Variants in TBC1D16 observed in about 807,000 individuals in gnomAD.
TBC1D16 encodes the protein CTD-2529O21.1.
TBC1D16 carries 58 observed loss-of-function variants against 74.7 expected under a neutral mutation model. The observed-to-expected ratio is 0.78, with a 90% CI of 0.63 to 0.97. TBC1D16 has a LOEUF of 0.97. TBC1D16 is among the 50% of genes least tolerant of loss of function. The pLI is 0.00. For synonymous variants in TBC1D16, 493 were observed against 474.7 expected (o/e 1.04, Z -0.50); for missense variants, 1,014 against 1,079.5 (o/e 0.94, Z 0.85).
chr17:80,024,544 T>TAG (rs1275487345), intron 1 of TBC1D16, among the ~76,000 whole-genome samples: 2 of 118,534 alleles, frequency 1.7e-5, no homozygotes, highest in South Asian at 2.7e-4. Flanking sequence ...CCACACACCA[T>TAG]ATACACACAC....
Position 80,010,597 on chromosome 17 carries a change from C to A in TBC1D16, c.342G>T (p.Arg114=), listed in dbSNP as rs779636850. 167 of 1,589,152 alleles carry A rather than the reference C, an allele frequency of 1.1e-4. No homozygotes were observed. In the East Asian group the frequency reaches 3.7e-3, roughly 36 times the overall value. The change falls in exon 3 of 12, where the codon CGG becomes CGT. Residue 114 remains arginine, a synonymous_variant. Coordinates refer to ENST00000310924, the MANE Select transcript of TBC1D16 (RefSeq NM_019020.4). The surrounding 1 kb of genome is among the most constrained non-coding windows in gnomAD (Gnocchi z 8.8). ...PVRKAPRPRG[R]RTRSSGASHQ... is the part of the protein sequence containing the mutation. The stretch of plus-strand genomic sequence containing the variant: ...GGGAGGCTCCTGAGCTCCGGGTGCG[C>A]CGGCCCCGAGGGCGGGGTGCCTTGC...
rs940501212 is a variant in TBC1D16 at position 80,035,379 on chromosome 17, A to C, written c.-63+416T>G. On this transcript the variant is annotated intron_variant, in intron 1 of 11. Transcript: ENST00000310924. The surrounding 1 kb of genome is among the most constrained non-coding windows in gnomAD (Gnocchi z 5.3). ...AGCGCGCGCTGCTGGGGGGACGCAC[A>C]CTTTGGAGGCTGTGTGGGCGCGCGC... Among the ~76,000 whole-genome samples, 21 of 151,838 alleles carry C rather than the reference A, an allele frequency of 1.4e-4. No homozygotes were observed. The highest frequency in any genetic ancestry group is 3.9e-4 in the African/African-American group (16 of 41,344).
Position 79,944,952 on chromosome 17 carries a change from C to T in TBC1D16, c.1864G>A (p.Ala622Thr). 1 of 1,555,346 alleles carries T rather than the reference C, an allele frequency of 6.4e-7. No individual in the cohort carries two copies. The highest frequency in any genetic ancestry group is 8.7e-7 in the Non-Finnish European group (1 of 1,149,302). Residue 622 changes from alanine (A) to threonine (T), a missense_variant, in exon 10 of 12, where the codon GCC becomes ACC. Ala to Thr is a moderately conservative substitution (Grantham distance 58, BLOSUM62 0). Coordinates refer to ENST00000310924, the MANE Select transcript of TBC1D16 (RefSeq NM_019020.4). The surrounding 1 kb of genome is among the most constrained non-coding windows in gnomAD (Gnocchi z 7.7). ...LLCFKREFPE[A>T]EALRIWEACW... ...GCCTCCCAGATCCGCAGCGCTTCGG[C>T]CTCGGGGAACTCCCGCTTGAAGCAC...
intron 3 of TBC1D16, among the ~76,000 whole-genome samples, chr17:79,998,514 A>ATTTTT (rs376951265): frequency 7.6e-6 from 1 of 131,848 alleles, no homozygotes; most frequent in Non-Finnish European, 1.6e-5. Context: ...TATTATTATA[A>ATTTTT]TTTTTTTTTT....
chr17:80,017,180 G>A (rs1281146401), intron 1 of TBC1D16, among the ~76,000 whole-genome samples: 27 of 152,250 alleles, frequency 1.8e-4, no homozygotes, highest in Non-Finnish European at 2.1e-4. Context: ...CAAAAGGCCA[G>A]AGAGTAAATG....
intron 1 of TBC1D16, among the ~76,000 whole-genome samples, chr17:80,015,738 C>T (rs948634786): frequency 5.9e-5 from 9 of 151,944 alleles, no homozygotes; most frequent in Non-Finnish European, 1.0e-4. Flanking sequence ...TGACTGGGAG[C>T]GGTGGCTCAC....
intron 3 of TBC1D16, among the ~76,000 whole-genome samples, chr17:79,957,501 A>G (rs1483926595): frequency 6.6e-6 from 1 of 152,202 alleles, no homozygotes; most frequent in Non-Finnish European, 1.5e-5. Context: ...GGAAAAGGCA[A>G]AACCATGGAG....
rs996463878 is a variant in TBC1D16, at chr17:79,954,745, G to A, written c.780-1927C>T. ...CTGTGACTGTGAGAGCTGCTGCCCC[G>A]TGTGCTGCCTGCTGGCCCGGCCCAC... On this transcript the variant is annotated intron_variant, in intron 3 of 11. Transcript: ENST00000310924. The surrounding 1 kb of genome is among the most constrained non-coding windows in gnomAD (Gnocchi z 5.5). 5.9e-5 allele frequency among the ~76,000 whole-genome samples: 9 copies of A among 152,120 alleles called. No homozygotes were observed. The highest frequency in any genetic ancestry group is 1.4e-4 in the African/African-American group (6 of 41,422).
In TBC1D16 at chr17:79,993,590, C is replaced by G. The variant is rs2035156598; in HGVS notation, c.779+16570G>C. On this transcript the variant is annotated intron_variant, in intron 3 of 11. Coordinates refer to ENST00000310924, the MANE Select transcript of TBC1D16 (RefSeq NM_019020.4). The surrounding 1 kb of genome is among the most constrained non-coding windows in gnomAD (Gnocchi z 5.1). ...CGCAAGACAAAAGGTCCTTTGCCCC[C>G]ACTACCTGCAACTTTCAGGGAAGAT... is the stretch of plus-strand genomic sequence containing the variant. 1 of 152,420 alleles carries G rather than the reference C, an allele frequency of 6.6e-6. No individual in the cohort carries two copies. The highest frequency in any genetic ancestry group is 1.9e-4 in the East Asian group (1 of 5,194). 9.4% of individuals were successfully genotyped at this position (152,420 alleles called of 1,614,324 possible).
intron 9 of TBC1D16, among the ~76,000 whole-genome samples, chr17:79,945,478 C>A (rs1288384263): frequency 1.3e-5 from 2 of 152,178 alleles, no homozygotes; most frequent in African/African-American, 4.8e-5. Flanking sequence ...GGGAGCCCCC[C>A]CACCCCTCTT....
intron 3 of TBC1D16, among the ~76,000 whole-genome samples, chr17:79,974,264 G>A (rs1290397): frequency 0.51 from 77,653 of 151,902 alleles, 19,938 homozygotes; most frequent in Middle Eastern, 0.59. Context: ...TTTTGAGACG[G>A]AGTCTCATCT....
Position 79,975,853 on chromosome 17 carries a change from G to A in TBC1D16, c.780-23035C>T, listed in dbSNP as rs1568603697. Among the ~76,000 whole-genome samples the A allele has an allele frequency of 6.6e-6, 1 of 152,140 alleles. No homozygotes were observed. The highest frequency in any genetic ancestry group is 1.5e-5 in the Non-Finnish European group (1 of 68,026). On this transcript the variant is annotated intron_variant, in intron 3 of 11. Transcript: ENST00000310924. The surrounding 1 kb of genome is among the most constrained non-coding windows in gnomAD (Gnocchi z 4.5). Reference sequence around the variant, plus strand: ...GAATGACGGGGTCTGTGCAGAGACCGGGCAGAGCTCTGGGCTTCAGGATGG... The same window carrying A: ...GAATGACGGGGTCTGTGCAGAGACCAGGCAGAGCTCTGGGCTTCAGGATGG...
intron 9 of TBC1D16, 37 bp from the exon 10 acceptor site, chr17:79,945,124 T>A (rs1472088384): frequency 7.9e-6 from 12 of 1,528,584 alleles, no homozygotes; most frequent in Non-Finnish European, 1.1e-5. Flanking sequence ...TTAGCTCCGG[T>A]CCCATGCGGC....
chr17:80,026,840 A>C (rs1305280678), intron 1 of TBC1D16, among the ~76,000 whole-genome samples: 3 of 149,580 alleles, frequency 2.0e-5, no homozygotes, highest in African/African-American at 7.7e-5. Flanking sequence ...GGATGTCAGG[A>C]AGGCTGCCCC....
intron 1 of TBC1D16, among the ~76,000 whole-genome samples, chr17:80,027,041 G>C (rs139433498): frequency 7.2e-6 from 1 of 138,194 alleles, no homozygotes; most frequent in Non-Finnish European, 1.5e-5. Flanking sequence ...CAGACACCAG[G>C]CTTTTCCAAT....
Position 79,949,712 on chromosome 17 carries a change from G to A in TBC1D16, c.1406+5C>T, listed in dbSNP as rs184718046. ...GGGGTGGGCCGGGCTGGCCCCGGCG[G>A]TTACCTTTTCTGCTGGATCTCAGAG... On this transcript the variant is annotated splice_donor_5th_base_variant and intron_variant, in intron 7 of 11. Transcript: ENST00000310924. 2,152 of 1,605,260 alleles carry A rather than the reference G, an allele frequency of 1.3e-3. 19 individuals are homozygous for A. In the African/African-American group the frequency reaches 0.023, roughly 17 times the overall value.
rs1479494923 is a variant in TBC1D16, at chr17:79,971,114, T to C, written c.780-18296A>G. ...CTCGGCTCACTGCAACCTCCACCTC[T>C]CGGGTTCAAGGCATTCTCCTGCCTC... On this transcript the variant is annotated intron_variant, in intron 3 of 11. Transcript: ENST00000310924. This position sits in a 1 kb window ranked among gnomAD's most constrained non-coding sequence, Gnocchi z 4.6. 4.6e-5 allele frequency among the ~76,000 whole-genome samples: 7 copies of C among 151,880 alleles called. No individual in the cohort carries two copies. Among genetic ancestry groups the C allele is most frequent in the Non-Finnish European group, 8.8e-5 (6 of 67,978 alleles).
rs141710660 is a variant in TBC1D16, at chr17:79,936,909, C to CGCGTGTGTGTGT, written c.*3949_*3950insACACACACACGC. 39 of 122,304 alleles carry CGCGTGTGTGTGT rather than the reference C, an allele frequency of 3.2e-4. No homozygotes were observed. Among genetic ancestry groups the CGCGTGTGTGTGT allele is most frequent in the African/African-American group, 9.9e-4 (37 of 37,388 alleles). 7.6% of individuals were successfully genotyped at this position (122,304 alleles called of 1,614,324 possible). On this transcript the variant is annotated 3_prime_UTR_variant, in exon 12 of 12. Coordinates refer to ENST00000310924, the MANE Select transcript of TBC1D16 (RefSeq NM_019020.4). ...GTGCATGCGTGCGTGTGTGCATGTG[C>CGCGTGTGTGTGT]GTGTGTGTGTGTGTGTGTGTGTGTG...
rs59046636 is a variant in TBC1D16 at position 80,014,001 on chromosome 17, AC to A, written c.-62-393del. 5.4e-3 allele frequency among the ~76,000 whole-genome samples: 800 copies of A among 148,278 alleles called. 9 individuals are homozygous for A. Among genetic ancestry groups the A allele is most frequent in the African/African-American group, 0.018 (730 of 40,766 alleles). On this transcript the variant is annotated intron_variant, in intron 1 of 11. Transcript: ENST00000310924. The stretch of plus-strand genomic sequence containing the variant: ...AAAAACGTTTTTTTCACAAAAAAAA[AC>A]GTTTTCTTTTCTCAGTTTCCCACCT...
Sources: allele counts gnomAD v4.1 joint callset (sites outside exome capture counted in the v4.1 genomes callset), GRCh38; gene constraint gnomAD v4.1.1; non-coding constraint Gnocchi (gnomAD v3.1); transcripts MANE v1.5; gene names NCBI Gene and HGNC (gene_info 2026-07-23, HGNC 2026-07-21).